Variants in RTCB observed in about 807,000 individuals in gnomAD.
RTCB encodes the protein RNA 2',3'-cyclic phosphate and 5'-OH ligase, also known as RNA-splicing ligase RTCB.
In RTCB, 32 loss-of-function variants were observed where a neutral mutation model predicts 58.2. That is an observed-to-expected ratio of 0.55 (90% confidence interval 0.41 to 0.74). The LOEUF (loss-of-function observed/expected upper bound fraction) is 0.74, where lower values mean the gene tolerates loss of function less well. Among genes scored for constraint, RTCB ranks in the 30% least tolerant of loss-of-function variants. The pLI is 0.00. For synonymous variants in RTCB, 247 were observed against 218.6 expected, an observed-to-expected ratio of 1.13 and a Z score of -1.15; for missense variants, 523 against 639.0, an observed-to-expected ratio of 0.82 and a Z score of 1.96.
At position 32,408,190 on chromosome 22, in the gene RTCB, C is replaced by T. The variant is rs754588072; in HGVS notation, c.225G>A (p.Leu75=). ...TCTGACTCACATGAACAATTCCAGG[C>T]AGGGCTGCCACATTGCCAATCTGTT... ...AMKQIGNVAA[L]PGIVHRSIGL... is the part of the protein sequence containing the mutation. The change falls in exon 3 of 12, where the codon CTG becomes CTA. Residue 75 remains leucine, a synonymous_variant. Coordinates refer to ENST00000216038, the MANE Select transcript of RTCB (RefSeq NM_014306.5). 1.2e-6 allele frequency: 2 copies of T among 1,614,122 alleles called. No individual in the cohort carries two copies. The highest frequency in any genetic ancestry group is 1.3e-5 in the African/African-American group (1 of 75,056).
At chr22:32,388,879 C>T (rs1933103744) in intron 11 of RTCB, among the ~76,000 whole-genome samples, 2 of 152,040 alleles carry the variant, frequency 1.3e-5, no homozygotes, top group South Asian at 2.1e-4. Context: ...GAGCAAAATC[C>T]CCTCCCTCCC....
chr22:32,408,686 G>A (rs1335283602), intron 2 of RTCB, 69 bp downstream of exon 2: 2 of 1,111,428 alleles, frequency 1.8e-6, no homozygotes, highest in African/African-American at 1.5e-5. Flanking sequence ...AATTATTTGA[G>A]TTGCCACTTT....
At chr22:32,401,165 C>A (rs948253847) in intron 5 of RTCB, among the ~76,000 whole-genome samples, 3 of 150,902 alleles carry the variant, frequency 2.0e-5, no homozygotes, top group Non-Finnish European at 4.4e-5. Flanking sequence ...GAGATCTCAG[C>A]ACACTGCCGC....
intron 4 of RTCB, among the ~76,000 whole-genome samples, chr22:32,402,782 C>T (rs904141328): frequency 1.3e-5 from 2 of 152,110 alleles, no homozygotes; most frequent in Non-Finnish European, 2.9e-5. Flanking sequence ...TTCTTGTTCT[C>T]TCACCCAGGC....
intron 4 of RTCB, among the ~76,000 whole-genome samples, chr22:32,405,794 C>G (rs1933408750): frequency 6.6e-6 from 1 of 152,164 alleles, no homozygotes; most frequent in Non-Finnish European, 1.5e-5. Context: ...ACAGAACTCT[C>G]AAGATGTCAT....
Position 32,402,751 on chromosome 22 carries a change from C to T in RTCB, c.341-848G>A, listed in dbSNP as rs550425902. 1.1e-4 allele frequency among the ~76,000 whole-genome samples: 17 copies of T among 152,116 alleles called. No individual in the cohort carries two copies. The East Asian group carries it at 1.6e-3, about 14-fold the overall frequency. ...GGCGTGAGCCACCACACCTGGCTGA[C>T]TTTTGTTTTTTTGAGACAGGTTCTT... is the stretch of plus-strand genomic sequence containing the variant. On this transcript the variant is annotated intron_variant, in intron 4 of 11. Coordinates refer to ENST00000216038, the MANE Select transcript of RTCB (RefSeq NM_014306.5).
intron 4 of RTCB, among the ~76,000 whole-genome samples, chr22:32,406,313 A>G (rs1933418886): frequency 6.6e-6 from 1 of 152,086 alleles, no homozygotes. Flanking sequence ...GCTATGGTCC[A>G]TAGAGAGAAG....
chr22:32,405,098 A>G (rs1933398196), intron 4 of RTCB, among the ~76,000 whole-genome samples: 1 of 152,146 alleles, frequency 6.6e-6, no homozygotes, highest in Non-Finnish European at 1.5e-5. Context: ...TGTAAGATTC[A>G]TTTTATAATA....
Position 32,411,972 on chromosome 22 carries a change from C to G in RTCB, c.93+92G>C, listed in dbSNP as rs1274683045. 3.4e-6 allele frequency: 3 copies of G among 893,704 alleles called. No individual in the cohort carries two copies. In the East Asian group the frequency reaches 8.0e-5, roughly 24 times the overall value. The allele number at this position is 893,704 out of a possible 1,614,324, so 55.4% of individuals were successfully genotyped here. On this transcript the variant is annotated intron_variant, in intron 1 of 11. Coordinates refer to ENST00000216038, the MANE Select transcript of RTCB (RefSeq NM_014306.5). ...ACTCTGCAAGGGGCCGGGGCGGACC[C>G]AGTGGTCAGGGGAGGTCCAGAGGGC... is the stretch of plus-strand genomic sequence containing the variant.
intron 11 of RTCB, among the ~76,000 whole-genome samples, chr22:32,391,828 T>C (rs766587970): frequency 2.0e-5 from 3 of 152,236 alleles, no homozygotes; most frequent in Admixed American, 6.5e-5. Context: ...TATGTAAACA[T>C]ATATACAGAA....
chr22:32,410,607 T>C (rs1255825505), intron 1 of RTCB, among the ~76,000 whole-genome samples: 4 of 152,112 alleles, frequency 2.6e-5, no homozygotes, highest in Non-Finnish European at 5.9e-5. Flanking sequence ...TGCCCCTAGA[T>C]AGAATGAGCA....
intron 3 of RTCB, 146 bp downstream of exon 3, chr22:32,408,029 G>T: frequency 1.5e-6 from 1 of 674,782 alleles, no homozygotes; most frequent in Admixed American, 2.8e-5. Context: ...TGTTGCGGGT[G>T]GCATGAGCCA....
chr22:32,395,764 G>A (rs1165451017), intron 8 of RTCB, among the ~76,000 whole-genome samples: 7 of 151,970 alleles, frequency 4.6e-5, no homozygotes, highest in East Asian at 3.9e-4. Context: ...GCACGATCTC[G>A]GCTCACTGCA....
At chr22:32,392,119 T>G in intron 11 of RTCB, 121 bp downstream of exon 11, 2 of 1,006,558 alleles carry the variant, frequency 2.0e-6, no homozygotes, top group Non-Finnish European at 2.8e-6. Flanking sequence ...ATTGAGGTCA[T>G]AAAAAAAAAT....
rs1194953523 is a variant in RTCB, at chr22:32,396,000, T to A, written c.990+74A>T. On this transcript the variant is annotated intron_variant, in intron 8 of 11. Coordinates refer to ENST00000216038, the MANE Select transcript of RTCB (RefSeq NM_014306.5). Reference sequence around the variant, plus strand: ...CAGGCATGAGCCACCGTGTCCAGCCTGGACTGCACTATGTTTTAAAGCACT... The same window carrying A: ...CAGGCATGAGCCACCGTGTCCAGCCAGGACTGCACTATGTTTTAAAGCACT... The A allele has an allele frequency of 1.1e-5, 16 of 1,484,632 alleles. No homozygotes were observed. The East Asian group carries it at 3.4e-4, about 32-fold the overall frequency. 92.0% of individuals were successfully genotyped at this position (1,484,632 alleles called of 1,614,324 possible).
At chr22:32,405,475 TGCACATAC>T (rs1933404162) in intron 4 of RTCB, among the ~76,000 whole-genome samples, 1 of 152,156 alleles carries the variant, frequency 6.6e-6, no homozygotes. Flanking sequence ...ACAATGCAAG[TGCACATAC>T]ACACACACAA....
intron 10 of RTCB, among the ~76,000 whole-genome samples, chr22:32,393,154 T>C (rs1056367140): frequency 1.3e-5 from 2 of 152,184 alleles, no homozygotes; most frequent in African/African-American, 4.8e-5. Context: ...CAGTCTAGTC[T>C]TGAATTCCCG....
intron 9 of RTCB, 39 bp downstream of exon 9, chr22:32,394,987 G>GC: frequency 6.6e-7 from 1 of 1,525,622 alleles, no homozygotes; most frequent in Non-Finnish European, 9.0e-7. Context: ...TCTAAATCGT[G>GC]CCCCCACTGC....
intron 1 of RTCB, 32 bp downstream of exon 1, chr22:32,412,032 G>C (rs765616371): frequency 1.3e-5 from 20 of 1,555,100 alleles, no homozygotes; most frequent in South Asian, 5.7e-5. Flanking sequence ...GACGGAGCAC[G>C]GAAGGCCCCG....
Sources: gnomAD v4.1 joint callset for allele counts (sites outside exome capture counted in the v4.1 genomes callset) on GRCh38, gnomAD v4.1.1 for gene constraint, MANE v1.5 for transcripts, NCBI Gene and HGNC (gene_info 2026-07-23, HGNC 2026-07-21) for gene names.